The following ZER1 variants were observed in gnomAD, a reference collection of about 807,000 sequenced individuals.
The protein encoded by ZER1 is zyg-11 related cell cycle regulator, also known as protein zer-1 homolog.
In ZER1, 11 loss-of-function variants were observed where a neutral mutation model predicts 78.8. The ratio of observed to expected loss-of-function variants is 0.14; its 90% CI spans 0.09 to 0.23. The LOEUF (loss-of-function observed/expected upper bound fraction) is 0.23, where lower values mean the gene tolerates loss of function less well. ZER1 is among the 10% of genes least tolerant of loss of function. The pLI is 1.00. For synonymous variants in ZER1, 400 were observed against 407.0 expected, an observed-to-expected ratio of 0.98 and a Z score of 0.21; for missense variants, 588 against 996.9, an observed-to-expected ratio of 0.59 and a Z score of 5.52.
chr9:128,734,767 A>AT (rs1863002828), intron 14 of ZER1, among the ~76,000 whole-genome samples: 1 of 151,894 alleles, frequency 6.6e-6, no homozygotes, highest in Admixed American at 6.6e-5. Context: ...TTTTCAACAA[A>AT]TCCAAGGACT....
At position 128,747,882 on chromosome 9, in the gene ZER1, G is replaced by A. The variant is rs370685254; in HGVS notation, c.1359+2734C>T. On this transcript the variant is annotated intron_variant, in intron 8 of 15. Transcript: ENST00000291900. ...GATCTGCCTTCCTCGGCCCTCCAAA[G>A]TGCTGAGATTACAGGTGAGGGCCAC... 4.6e-5 allele frequency among the ~76,000 whole-genome samples: 7 copies of A among 152,290 alleles called. No individual in the cohort carries two copies. In the East Asian group the frequency reaches 1.4e-3, roughly 29 times the overall value.
intron 1 of ZER1, among the ~76,000 whole-genome samples, chr9:128,765,944 G>A (rs1864193259): frequency 6.6e-6 from 1 of 152,170 alleles, no homozygotes; most frequent in African/African-American, 2.4e-5. Flanking sequence ...TCATGATGCT[G>A]GAGACAGAGA....
rs1863761052 is a variant in ZER1, at chr9:128,753,648, C to T, written c.310-48G>A. 6.3e-7 allele frequency: 1 copy of T among 1,594,070 alleles called. No individual in the cohort carries two copies. The highest frequency in any genetic ancestry group is 1.3e-5 in the African/African-American group (1 of 74,502). On this transcript the variant is annotated intron_variant, in intron 3 of 15. Transcript: ENST00000291900. This position sits in a 1 kb window ranked among gnomAD's most constrained non-coding sequence, Gnocchi z 7.5. ...CATCATCACCACCCTTGCCCCTTCC[C>T]CCGGCCCCAGGCCTTGCCCTGGGCT...
chr9:128,731,437 T>TGGGGGTGTTGGGGG, intron 15 of ZER1, 43 bp from the exon 16 acceptor site: 1 of 451,616 alleles, frequency 2.2e-6, no homozygotes, highest in Non-Finnish European at 4.3e-6. Context: ...TGGGCTTGGG[T>TGGGGGTGTTGGGGG]GGGGGTGAGC....
At chr9:128,767,984 G>C (rs1463183730) in intron 1 of ZER1, among the ~76,000 whole-genome samples, 1 of 152,210 alleles carries the variant, frequency 6.6e-6, no homozygotes, top group Non-Finnish European at 1.5e-5. Flanking sequence ...TTACCTGTCA[G>C]CATGTTGCGA....
At chr9:128,764,813 CTGGTTA>C (rs1259089990) in intron 1 of ZER1, among the ~76,000 whole-genome samples, 1 of 152,180 alleles carries the variant, frequency 6.6e-6, no homozygotes, top group Non-Finnish European at 1.5e-5. Context: ...AGAGGGAGCT[CTGGTTA>C]TGACCGACCA....
chr9:128,734,144 A>AAAAATATATATATATAT, intron 14 of ZER1, among the ~76,000 whole-genome samples: 1 of 14,444 alleles, frequency 6.9e-5, no homozygotes, highest in African/African-American at 1.9e-4. Flanking sequence ...AAAAAAAAAA[A>AAAAATATATATATATAT]ATATATATAT....
intron 8 of ZER1, 101 bp from the exon 9 acceptor site, chr9:128,742,846 A>G (rs1863350414): frequency 2.4e-6 from 3 of 1,255,508 alleles, no homozygotes; most frequent in Non-Finnish European, 3.3e-6. Flanking sequence ...GAGTTGTGGC[A>G]GTCCAGCCCG....
intron 1 of ZER1, among the ~76,000 whole-genome samples, chr9:128,758,201 C>A (rs1025409322): frequency 6.6e-6 from 1 of 150,478 alleles, no homozygotes; most frequent in African/African-American, 2.4e-5. Flanking sequence ...CTCACTGCAA[C>A]CTCCGCCTCC....
At chr9:128,756,031 G>C (rs554695383) in intron 1 of ZER1, among the ~76,000 whole-genome samples, 3 of 152,316 alleles carry the variant, frequency 2.0e-5, no homozygotes, top group African/African-American at 7.2e-5. Context: ...AGCTATGATT[G>C]ATTGAGCACT....
rs1393333440 is a variant in ZER1, at chr9:128,755,904, T to C, written c.-94-245A>G. 6.6e-6 allele frequency among the ~76,000 whole-genome samples: 1 copy of C among 152,166 alleles called. No homozygotes were observed. The highest frequency in any genetic ancestry group is 2.4e-5 in the African/African-American group (1 of 41,436). ...TTATTTGCCTGTGAGCAGACGTGTGTGCTGGGGACCCAGTGCTTGGGTGGG... is the reference window on the plus strand; with the variant it reads ...TTATTTGCCTGTGAGCAGACGTGTGCGCTGGGGACCCAGTGCTTGGGTGGG... On this transcript the variant is annotated intron_variant, in intron 1 of 15. Transcript: ENST00000291900. This position sits in a 1 kb window ranked among gnomAD's most constrained non-coding sequence, Gnocchi z 5.6.
At chr9:128,736,140 C>T (rs559047329) in intron 13 of ZER1, among the ~76,000 whole-genome samples, 22 of 151,764 alleles carry the variant, frequency 1.4e-4, no homozygotes, top group African/African-American at 3.4e-4. Flanking sequence ...TTAGTAGAGA[C>T]GGGGTTTCAC....
chr9:128,756,315 G>A (rs1863857661), intron 1 of ZER1, among the ~76,000 whole-genome samples: 1 of 152,060 alleles, frequency 6.6e-6, no homozygotes. Context: ...GCGTGGTGGC[G>A]GGCGCCTGTA....
rs564121448 is a variant in ZER1 at position 128,759,010 on chromosome 9, T to A, written c.-94-3351A>T. Among the ~76,000 whole-genome samples the A allele has an allele frequency of 5.3e-5, 8 of 152,062 alleles. 1 individual carries two copies. In the East Asian group the frequency reaches 1.5e-3, roughly 29 times the overall value. Reference sequence around the variant, plus strand: ...ACTTTTTCAAGTGAATTTTTTTTTTTTTTTTTAGACTGAGTCTTGCTCTGT... The same window carrying A: ...ACTTTTTCAAGTGAATTTTTTTTTTATTTTTTAGACTGAGTCTTGCTCTGT... On this transcript the variant is annotated intron_variant, in intron 1 of 15. Transcript: ENST00000291900.
At chr9:128,750,871 G>C in intron 7 of ZER1, 82 bp from the exon 8 acceptor site, 1 of 1,571,078 alleles carries the variant, frequency 6.4e-7, no homozygotes, top group Non-Finnish European at 8.7e-7. Flanking sequence ...AGGCTCTCTG[G>C]GGCAAGGTTT....
In ZER1 at chr9:128,754,849, C is replaced by T. The variant is rs1283703861; in HGVS notation, c.158+559G>A. On this transcript the variant is annotated intron_variant, in intron 2 of 15. Coordinates refer to ENST00000291900, the MANE Select transcript of ZER1 (RefSeq NM_006336.4). This position sits in a 1 kb window ranked among gnomAD's most constrained non-coding sequence, Gnocchi z 4.3. ...ACCATCTGGGCCTGTAGATTGAACT[C>T]CCAGCATTCAGTGACTGCATAGCAT... 6.6e-6 allele frequency among the ~76,000 whole-genome samples: 1 copy of T among 152,148 alleles called. No individual in the cohort carries two copies. The highest frequency in any genetic ancestry group is 6.5e-5 in the Admixed American group (1 of 15,274).
Position 128,750,774 on chromosome 9 carries a change from G to A in ZER1, c.1201C>T (p.Leu401Phe). ...TTCCTGTCATATTTGTGGCACTTGA[G>A]GGCCGTGATGACCAGCTGTATGAAG... ...LRALKLVITA[L>F]KCHKYDRNIQ... is the part of the protein sequence containing the mutation. The change falls in exon 8 of 16, where the codon CTC becomes TTC. Residue 401 changes from leucine (L) to phenylalanine (F), a missense_variant. Physicochemically the swap from Leu to Phe is conservative, Grantham distance 22. Around this residue, in one of 3 missense-constraint regions of ZER1, gnomAD observed 406 missense variants for 660.1 expected, o/e 0.62. Coordinates refer to ENST00000291900, the MANE Select transcript of ZER1 (RefSeq NM_006336.4). 6.2e-7 allele frequency: 1 copy of A among 1,614,228 alleles called. No individual in the cohort carries two copies. Among genetic ancestry groups the A allele is most frequent in the Non-Finnish European group, 8.5e-7 (1 of 1,180,036 alleles).
intron 1 of ZER1, among the ~76,000 whole-genome samples, chr9:128,766,137 T>C (rs1589549100): frequency 6.6e-6 from 1 of 151,152 alleles, no homozygotes; most frequent in African/African-American, 2.4e-5. Flanking sequence ...GATCACGAGG[T>C]GAAGAGATTG....
intron 8 of ZER1, among the ~76,000 whole-genome samples, chr9:128,747,102 G>A (rs1018725623): frequency 6.6e-6 from 1 of 151,862 alleles, no homozygotes; most frequent in African/African-American, 2.4e-5. Context: ...AGGACACTGA[G>A]GCAGGAGAAT....
Sources: gnomAD v4.1 joint callset for allele counts (sites outside exome capture counted in the v4.1 genomes callset) on GRCh38, gnomAD v4.1.1 for gene constraint, gnomAD v4.1.1 regional missense constraint, Gnocchi (gnomAD v3.1) non-coding constraint, MANE v1.5 for transcripts, NCBI Gene and HGNC (gene_info 2026-07-23, HGNC 2026-07-21) for gene names.